Variants in TNIK observed in about 807,000 individuals in gnomAD.
TNIK encodes TRAF2 and NCK interacting kinase.
A neutral mutation model predicts 191.3 loss-of-function variants in TNIK; 49 were observed. The ratio of observed to expected loss-of-function variants is 0.26; its 90% confidence interval spans 0.20 to 0.32. TNIK has a LOEUF of 0.32. TNIK is among the 10% of genes least tolerant of loss of function. The pLI is 1.00. For missense variants in TNIK, 1,155 were observed against 1,702.3 expected, an observed-to-expected ratio of 0.68 and a Z score of 5.66; for synonymous variants, 594 against 600.9, an observed-to-expected ratio of 0.99 and a Z score of 0.17.
At chr3:171,235,532 C>A (rs1366721930) in intron 2 of TNIK, among the ~76,000 whole-genome samples, 4 of 152,140 alleles carry the variant, frequency 2.6e-5, no homozygotes, top group Non-Finnish European at 5.9e-5. Context: ...CTATAAACAT[C>A]ATTCAAAACC....
At chr3:171,154,015 G>A (rs1029024637) in intron 12 of TNIK, among the ~76,000 whole-genome samples, 1 of 152,196 alleles carries the variant, frequency 6.6e-6, no homozygotes, top group Non-Finnish European at 1.5e-5. Context: ...CAACAGAGGT[G>A]TTCACTGAAT....
chr3:171,110,520 C>T (rs1162618786), intron 19 of TNIK, among the ~76,000 whole-genome samples, 194 bp downstream of exon 19: 4 of 152,206 alleles, frequency 2.6e-5, no homozygotes, highest in Non-Finnish European at 5.9e-5. Flanking sequence ...TTTGTCCATA[C>T]TGATGGCACA....
At chr3:171,149,374 C>A (rs532174004) in intron 12 of TNIK, among the ~76,000 whole-genome samples, 1 of 152,118 alleles carries the variant, frequency 6.6e-6, no homozygotes, top group Non-Finnish European at 1.5e-5. Context: ...AAAACACTAG[C>A]GTACTCTACC....
intron 2 of TNIK, among the ~76,000 whole-genome samples, chr3:171,263,160 T>G (rs1046738554): frequency 6.6e-6 from 1 of 152,170 alleles, no homozygotes; most frequent in South Asian, 2.1e-4. Flanking sequence ...GAAGGTCTAT[T>G]CCAGCTCAAA....
chr3:171,066,916 A>G (rs1718513051), intron 30 of TNIK, among the ~76,000 whole-genome samples, 181 bp from the exon 31 acceptor site: 1 of 152,204 alleles, frequency 6.6e-6, no homozygotes, highest in Non-Finnish European at 1.5e-5. Flanking sequence ...CTTAGTCACT[A>G]GATTAAAAAT....
At chr3:171,158,209 T>C (rs531460892) in intron 11 of TNIK, among the ~76,000 whole-genome samples, 1 of 152,310 alleles carries the variant, frequency 6.6e-6, no homozygotes, top group South Asian at 2.1e-4. Flanking sequence ...AGAGCCAGGA[T>C]CTGAGCCCAA....
At chr3:171,404,809 G>C (rs955606539) in intron 1 of TNIK, among the ~76,000 whole-genome samples, 1 of 152,128 alleles carries the variant, frequency 6.6e-6, no homozygotes, top group African/African-American at 2.4e-5. Flanking sequence ...GCAGAAACCA[G>C]AACTTCTGGT....
chr3:171,358,453 C>T (rs769993660), intron 2 of TNIK, among the ~76,000 whole-genome samples: 2 of 152,180 alleles, frequency 1.3e-5, no homozygotes, highest in Middle Eastern at 3.4e-3. Flanking sequence ...ATTCACTACA[C>T]GAGAACAGTA....
At chr3:171,266,545 G>T (rs752935031) in intron 2 of TNIK, among the ~76,000 whole-genome samples, 13 of 152,096 alleles carry the variant, frequency 8.5e-5, no homozygotes, top group Non-Finnish European at 1.9e-4. Flanking sequence ...CATTTGAAAC[G>T]CCTACTTAGG....
chr3:171,099,757 G>A (rs755282814), intron 22 of TNIK, among the ~76,000 whole-genome samples: 10 of 152,160 alleles, frequency 6.6e-5, no homozygotes, highest in Non-Finnish European at 1.2e-4. Flanking sequence ...GAAGTGAAGC[G>A]TGGTCTATTC....
intron 2 of TNIK, among the ~76,000 whole-genome samples, chr3:171,293,321 T>TA (rs1267273419): frequency 2.0e-5 from 3 of 152,254 alleles, no homozygotes; most frequent in Admixed American, 2.0e-4. Flanking sequence ...ATGTATCTTC[T>TA]ATTATGCATT....
intron 1 of TNIK, among the ~76,000 whole-genome samples, chr3:171,441,569 G>T (rs1278758108): frequency 6.6e-6 from 1 of 152,106 alleles, no homozygotes; most frequent in African/African-American, 2.4e-5. Flanking sequence ...ATAGACATTT[G>T]GGTGGTTTCC....
Position 171,202,212 on chromosome 3 carries a change from TG to T in TNIK, c.307-7578del, listed in dbSNP as rs199945064. Among the ~76,000 whole-genome samples the T allele has an allele frequency of 6.6e-3, 999 of 151,540 alleles. 17 individuals carry two copies. Among genetic ancestry groups the T allele is most frequent in the African/African-American group, 0.023 (956 of 40,964 alleles). On this transcript the variant is annotated intron_variant, in intron 4 of 32. Transcript: ENST00000436636. ...ATGCAAAATTTTCTGCATATATATATGTTTTTTTTTTGGTAGGAGTAAGTCA... is the reference window on the plus strand; with the variant it reads ...ATGCAAAATTTTCTGCATATATATATTTTTTTTTTTGGTAGGAGTAAGTCA...
At position 171,079,548 on chromosome 3, in the gene TNIK, C is replaced by G; in HGVS notation, c.3418G>C (p.Asp1140His). The change falls in exon 28 of 33, where the codon GAC (aspartate) becomes CAC (histidine). Residue 1140 changes from aspartate to histidine, a missense_variant. By Grantham distance (81) the Asp-to-His change is moderately conservative. Coordinates refer to ENST00000436636, the MANE Select transcript of TNIK (RefSeq NM_015028.4). ...TTATAATGTATACAGCCTTCCAAGT[C>G]CCCAACAGTGATCCAGCCTTGTTTC... Reference protein sequence around the residue: ...EKKQGWITVGDLEGCIHYKVV... With the variant: ...EKKQGWITVGHLEGCIHYKVV... 1 of 1,613,698 alleles carries G rather than the reference C, an allele frequency of 6.2e-7. No homozygotes were observed. Among genetic ancestry groups the G allele is most frequent in the Non-Finnish European group, 8.5e-7 (1 of 1,179,764 alleles).
intron 2 of TNIK, among the ~76,000 whole-genome samples, chr3:171,281,603 G>A (rs138264077): frequency 0.026 from 3,893 of 152,214 alleles, 76 homozygotes; most frequent in Non-Finnish European, 0.037. Flanking sequence ...ACAAGGAATG[G>A]GCAGTACACT....
rs919434102 is a variant in TNIK at position 171,138,388 on chromosome 3, A to G, written c.1420-9T>C. ...TGTTTGCGCTTATATTCCTGTCCAG[A>G]TCAGGAAAGAGGAGCAAAGAAAAGG... is the stretch of plus-strand genomic sequence containing the variant. On this transcript the variant is annotated splice_polypyrimidine_tract_variant and intron_variant, in intron 14 of 32. Coordinates refer to ENST00000436636, the MANE Select transcript of TNIK (RefSeq NM_015028.4). The G allele has an allele frequency of 3.9e-5, 60 of 1,551,228 alleles. No homozygotes were observed. Among genetic ancestry groups the G allele is most frequent in the Non-Finnish European group, 5.2e-5 (60 of 1,151,186 alleles).
chr3:171,442,406 T>A (rs1367937663), intron 1 of TNIK, among the ~76,000 whole-genome samples: 1 of 151,998 alleles, frequency 6.6e-6, no homozygotes, highest in Non-Finnish European at 1.5e-5. Context: ...ACACACTAAT[T>A]AAAGGGGGTT....
At chr3:171,381,479 G>T (rs929517141) in intron 1 of TNIK, among the ~76,000 whole-genome samples, 1 of 152,160 alleles carries the variant, frequency 6.6e-6, no homozygotes, top group African/African-American at 2.4e-5. Flanking sequence ...ATTCTGCAGA[G>T]CATAGAATGG....
intron 2 of TNIK, among the ~76,000 whole-genome samples, chr3:171,279,944 T>C (rs1319295315): frequency 6.6e-6 from 1 of 152,178 alleles, no homozygotes; most frequent in African/African-American, 2.4e-5. Context: ...ACATACCTAC[T>C]AATAGTTCAT....
Sources: gnomAD v4.1 joint callset for allele counts (sites outside exome capture counted in the v4.1 genomes callset) on GRCh38, gnomAD v4.1.1 for gene constraint, MANE v1.5 for transcripts, NCBI Gene and HGNC (gene_info 2026-07-23, HGNC 2026-07-21) for gene names.